NRXN1: variants seen among roughly 807,000 people sequenced by gnomAD.
NRXN1 encodes the protein neurexin-1.
A neutral mutation model predicts 150.9 loss-of-function variants in NRXN1; 39 were observed. That is an observed-to-expected ratio of 0.26 (90% CI 0.20 to 0.34). The LOEUF is 0.34. NRXN1 is among the 10% of genes least tolerant of loss of function. NRXN1 has a pLI of 1.00. For synonymous variants in NRXN1, 924 were observed against 757.0 expected (o/e 1.22, Z -3.62); for missense variants, 1,815 against 1,949.9 (o/e 0.93, Z 1.30).
intron 18 of NRXN1, among the ~76,000 whole-genome samples, chr2:50,166,924 G>T (rs2059723260): frequency 6.6e-6 from 1 of 152,106 alleles, no homozygotes; most frequent in African/African-American, 2.4e-5. Context: ...GTAGAGTTTA[G>T]CAAAACCTGT....
At chr2:50,448,742 C>T (rs766009133) in intron 17 of NRXN1, among the ~76,000 whole-genome samples, 9 of 152,158 alleles carry the variant, frequency 5.9e-5, no homozygotes, top group South Asian at 2.1e-4. Context: ...GGATTATTAC[C>T]GTTTCCTTTT....
intron 3 of NRXN1, chr2:50,923,479 T>G (rs1686394136): frequency 4.2e-6 from 1 of 236,184 alleles, no homozygotes; most frequent in Admixed American, 4.6e-5. Context: ...TGAAATTCCT[T>G]TATTTAATTT....
intron 5 of NRXN1, among the ~76,000 whole-genome samples, chr2:50,685,217 C>T (rs550499475): frequency 1.8e-4 from 28 of 151,952 alleles, no homozygotes; most frequent in Non-Finnish European, 3.1e-4. Flanking sequence ...CTCTTTGATC[C>T]GCCTGTTTTT....
chr2:50,459,427 A>G (rs2087930231), intron 17 of NRXN1, among the ~76,000 whole-genome samples: 1 of 152,098 alleles, frequency 6.6e-6, no homozygotes, highest in Non-Finnish European at 1.5e-5. Flanking sequence ...TAAGCCTAGT[A>G]GCCAATAATT....
intron 5 of NRXN1, among the ~76,000 whole-genome samples, chr2:50,709,292 T>C (rs1694838755): frequency 6.6e-6 from 1 of 152,156 alleles, no homozygotes; most frequent in South Asian, 2.1e-4. Context: ...ACATTGACTC[T>C]ATCTTTATGG....
At chr2:50,751,713 T>C (rs958872817) in intron 5 of NRXN1, among the ~76,000 whole-genome samples, 3 of 152,000 alleles carry the variant, frequency 2.0e-5, no homozygotes, top group Admixed American at 1.3e-4. Context: ...TGTTCAGCTT[T>C]CAAACAGCCT....
chr2:50,613,910 C>T (rs1426519334), intron 8 of NRXN1, among the ~76,000 whole-genome samples: 1 of 152,052 alleles, frequency 6.6e-6, no homozygotes, highest in Non-Finnish European at 1.5e-5. Context: ...TGCACTCCAG[C>T]CTGGGTTCAT....
At chr2:50,161,984 A>G (rs72881277) in intron 18 of NRXN1, among the ~76,000 whole-genome samples, 3,406 of 152,274 alleles carry the variant, frequency 0.022, 125 homozygotes, top group African/African-American at 0.078. Context: ...GTTTGAAGTC[A>G]TTGTAGCGAA....
chr2:50,528,057 T>C (rs977341263), intron 12 of NRXN1, among the ~76,000 whole-genome samples: 5 of 152,172 alleles, frequency 3.3e-5, no homozygotes, highest in African/African-American at 9.6e-5. Context: ...CTCATCAGTT[T>C]GCATGCATGT....
intron 5 of NRXN1, among the ~76,000 whole-genome samples, chr2:50,708,966 G>A (rs932622672): frequency 6.6e-6 from 1 of 152,142 alleles, no homozygotes; most frequent in Non-Finnish European, 1.5e-5. Flanking sequence ...ATTCACTGAG[G>A]AGAACAGGGT....
rs77422811 is a variant in NRXN1, at chr2:50,601,945, A to G, written c.1320+18077T>C. 7.7e-4 allele frequency among the ~76,000 whole-genome samples: 117 copies of G among 152,330 alleles called. 1 individual carries two copies. Among genetic ancestry groups the G allele is most frequent in the African/African-American group, 2.6e-3 (110 of 41,582 alleles). On this transcript the variant is annotated intron_variant, in intron 8 of 22. Transcript: ENST00000401669. ...AATGTTCACCGGTTACATGGAGCTA[A>G]GAAATATACAGAAGCTAATAGAGTT...
intron 5 of NRXN1, among the ~76,000 whole-genome samples, chr2:50,628,420 C>T (rs17539082): frequency 0.11 from 16,919 of 151,692 alleles, 1,052 homozygotes; most frequent in Middle Eastern, 0.19. Flanking sequence ...CCTTAAAATG[C>T]CATAAATGGG....
At chr2:50,272,916 G>T (rs1387914762) in intron 17 of NRXN1, among the ~76,000 whole-genome samples, 1 of 151,838 alleles carries the variant, frequency 6.6e-6, no homozygotes, top group Non-Finnish European at 1.5e-5. Context: ...AATACATAAA[G>T]AATTTTTACA....
chr2:50,084,947 A>G (rs1383151335), intron 19 of NRXN1, among the ~76,000 whole-genome samples: 5 of 152,226 alleles, frequency 3.3e-5, no homozygotes, highest in African/African-American at 1.2e-4. Context: ...AAAGTTCATT[A>G]TGTTTCATCA....
At chr2:50,017,000 A>C (rs895089809) in intron 21 of NRXN1, among the ~76,000 whole-genome samples, 1 of 152,144 alleles carries the variant, frequency 6.6e-6, no homozygotes, top group African/African-American at 2.4e-5. Context: ...GCCACCTCAC[A>C]AACTATCTAT....
intron 17 of NRXN1, among the ~76,000 whole-genome samples, chr2:50,257,885 T>A (rs1009964421): frequency 2.3e-5 from 3 of 129,810 alleles, no homozygotes; most frequent in African/African-American, 8.4e-5. Context: ...TGATAAAGTA[T>A]CTGCACAATT....
At chr2:50,027,796 TCTATC>T (rs560531080) in intron 21 of NRXN1, among the ~76,000 whole-genome samples, 1 of 152,268 alleles carries the variant, frequency 6.6e-6, no homozygotes, top group Admixed American at 6.5e-5. Context: ...AGGGGAAACT[TCTATC>T]CTAACACCTT....
chr2:50,692,055 T>A (rs186086389), intron 5 of NRXN1, among the ~76,000 whole-genome samples: 37 of 152,146 alleles, frequency 2.4e-4, no homozygotes, highest in African/African-American at 8.7e-4. Context: ...AAATGGCAAA[T>A]GAATTGACTT....
intron 2 of NRXN1, among the ~76,000 whole-genome samples, chr2:50,941,423 A>G (rs1689427573): frequency 6.6e-6 from 1 of 152,176 alleles, no homozygotes; most frequent in Non-Finnish European, 1.5e-5. Context: ...AAAGTTTGGA[A>G]CTTCCTAGAG....
Sources: gnomAD v4.1 joint callset for allele counts (sites outside exome capture counted in the v4.1 genomes callset) on GRCh38, gnomAD v4.1.1 for gene constraint, MANE v1.5 for transcripts, NCBI Gene and HGNC (gene_info 2026-07-23, HGNC 2026-07-21) for gene names.